Variants in SLC35H1 observed in about 807,000 individuals in gnomAD.
SLC35H1 encodes solute carrier family 35 member H1.
the SLC35H1 span, chr20:46,348,955 C>G: frequency 1.3e-5 from 2 of 152,232 alleles, no homozygotes; most frequent in Non-Finnish European, 2.9e-5. Flanking sequence ...TTTGCAGACC[C>G]ATTTTTAAAG....
the SLC35H1 span, among the ~76,000 whole-genome samples, chr20:46,360,353 T>A: frequency 1.0e-3 from 152 of 152,218 alleles, no homozygotes; most frequent in Non-Finnish European, 1.7e-3. Context: ...CTAGTGGTTT[T>A]CGAGGTGCGA....
chr20:46,347,181 C>G, the SLC35H1 span: 1 of 152,178 alleles, frequency 6.6e-6, no homozygotes, highest in Admixed American at 6.5e-5. Flanking sequence ...GCAACGTGTC[C>G]AAAAGCACGC....
chr20:46,358,560 T>C, the SLC35H1 span: 1 of 1,613,728 alleles, frequency 6.2e-7, no homozygotes, highest in Admixed American at 1.7e-5. Flanking sequence ...GGCACCCCTC[T>C]TGAATACAAT....
chr20:46,356,824 G>A, the SLC35H1 span, among the ~76,000 whole-genome samples: 1 of 152,226 alleles, frequency 6.6e-6, no homozygotes, highest in African/African-American at 2.4e-5. Flanking sequence ...GTCGGGGGCT[G>A]CTCTAGCATT....
chr20:46,361,490 A>C, the SLC35H1 span, among the ~76,000 whole-genome samples: 2 of 152,220 alleles, frequency 1.3e-5, no homozygotes, highest in Non-Finnish European at 1.5e-5. Flanking sequence ...AAGAGGGCGC[A>C]TGGGCCTCAA....
At chr20:46,352,596 G>T in the SLC35H1 span, 2 of 202,188 alleles carry the variant, frequency 9.9e-6, no homozygotes, top group Non-Finnish European at 2.0e-5. Flanking sequence ...CTAGCGGGAT[G>T]ATGATGGGAT....
the SLC35H1 span, among the ~76,000 whole-genome samples, chr20:46,362,746 T>G: frequency 6.6e-6 from 1 of 152,202 alleles, no homozygotes; most frequent in Non-Finnish European, 1.5e-5. Flanking sequence ...TCCTCCCTGC[T>G]GCCCCTTCGA....
At chr20:46,357,577 C>T in the SLC35H1 span, 1 of 1,593,158 alleles carries the variant, frequency 6.3e-7, no homozygotes, top group Non-Finnish European at 8.6e-7. Context: ...CCTATGGTTC[C>T]CCAGCCCCTC....
chr20:46,352,590 C>A, the SLC35H1 span: 1 of 196,088 alleles, frequency 5.1e-6, no homozygotes, highest in Non-Finnish European at 1.0e-5. Context: ...GGGATCCTAG[C>A]GGGATGATGA....
chr20:46,346,887 C>T, the SLC35H1 span: 1 of 114,272 alleles, frequency 8.8e-6, no homozygotes, highest in Non-Finnish European at 1.8e-5. Context: ...AACTCCATGT[C>T]AAAAAAAAAA....
chr20:46,355,686 A>C, the SLC35H1 span: 1 of 1,488,612 alleles, frequency 6.7e-7, no homozygotes, highest in Non-Finnish European at 9.1e-7. This position sits in a 1 kb window ranked among gnomAD's most constrained non-coding sequence, Gnocchi z 4.8. Context: ...ATCTACTGCC[A>C]CCTGGACTGG....
the SLC35H1 span, chr20:46,348,280 C>A: frequency 6.6e-6 from 1 of 152,194 alleles, no homozygotes; most frequent in African/African-American, 2.4e-5. Flanking sequence ...CCGCTCTGCA[C>A]CTTGTAATTA....
chr20:46,358,716 C>T, the SLC35H1 span: 6 of 1,550,654 alleles, frequency 3.9e-6, no homozygotes, highest in Non-Finnish European at 5.2e-6. Flanking sequence ...CTGGTGCTGA[C>T]CCTTCCCATG....
the SLC35H1 span, chr20:46,349,003 G>C: frequency 6.6e-6 from 1 of 152,216 alleles, no homozygotes; most frequent in Non-Finnish European, 1.5e-5. Flanking sequence ...ACGAGCTTTA[G>C]TGACTCCAAC....
the SLC35H1 span, chr20:46,350,893 G>A: frequency 1.2e-6 from 2 of 1,613,742 alleles, no homozygotes; most frequent in Non-Finnish European, 1.7e-6. Flanking sequence ...CAGACTTCCT[G>A]GGGGCAGAGA....
the SLC35H1 span, chr20:46,352,338 G>T: frequency 1.1e-6 from 1 of 909,014 alleles, no homozygotes; most frequent in Non-Finnish European, 1.7e-6. Context: ...ACTGAGACCT[G>T]CTAACTGTCT....
At chr20:46,357,524 G>T in the SLC35H1 span, 1 of 1,388,218 alleles carries the variant, frequency 7.2e-7, no homozygotes, top group Non-Finnish European at 9.9e-7. Flanking sequence ...GAAGAGGGGA[G>T]GGACTTGGCT....
the SLC35H1 span, chr20:46,356,478 G>T: frequency 8.2e-7 from 1 of 1,216,602 alleles, no homozygotes; most frequent in Non-Finnish European, 1.2e-6. Flanking sequence ...CAGAGTGGTG[G>T]AGTGGCTGGC....
chr20:46,354,197 C>A, the SLC35H1 span, among the ~76,000 whole-genome samples: 1 of 152,146 alleles, frequency 6.6e-6, no homozygotes, highest in Non-Finnish European at 1.5e-5. Flanking sequence ...GTCTTCAGCC[C>A]CCAGCTCTGG....
Sources: gnomAD v4.1 joint callset for allele counts (sites outside exome capture counted in the v4.1 genomes callset) on GRCh38, gnomAD v4.1.1 for gene constraint, Gnocchi (gnomAD v3.1) non-coding constraint, MANE v1.5 for transcripts, NCBI Gene and HGNC (gene_info 2026-07-23, HGNC 2026-07-21) for gene names.